The following TLE1 variants were observed in gnomAD, a reference collection of about 807,000 sequenced individuals.
TLE1 encodes the protein transducin-like enhancer protein 1.
A neutral mutation model predicts 89.8 loss-of-function variants in TLE1; 21 were observed. The ratio of observed to expected loss-of-function variants is 0.23; its 90% confidence interval spans 0.17 to 0.34. TLE1 has a LOEUF of 0.34. TLE1 is among the 10% of genes least tolerant of loss of function. The pLI is 1.00. For missense variants in TLE1, 795 were observed against 1,031.2 expected, an observed-to-expected ratio of 0.77 and a Z score of 3.14; for synonymous variants, 447 against 407.6, an observed-to-expected ratio of 1.10 and a Z score of -1.16.
At chr9:81,602,382 C>A (rs1316019037) in intron 14 of TLE1, among the ~76,000 whole-genome samples, 2 of 152,160 alleles carry the variant, frequency 1.3e-5, no homozygotes, top group Non-Finnish European at 2.9e-5. Flanking sequence ...TTTTTTCAGA[C>A]TTCAGAATAT....
intron 15 of TLE1, among the ~76,000 whole-genome samples, chr9:81,591,697 T>G (rs1022697717): frequency 1.3e-5 from 2 of 152,190 alleles, no homozygotes; most frequent in Non-Finnish European, 2.9e-5. Context: ...TGGATTATCT[T>G]TCAAAGATTA....
At chr9:81,603,828 CCT>C (rs932751627) in intron 14 of TLE1, among the ~76,000 whole-genome samples, 2 of 152,108 alleles carry the variant, frequency 1.3e-5, no homozygotes, top group African/African-American at 4.8e-5. Flanking sequence ...ATGGTGAAAC[CCT>C]GTCTCTACTA....
At chr9:81,587,617 T>A (rs1162340127) in intron 17 of TLE1, 64 bp downstream of exon 17, 54 of 1,521,506 alleles carry the variant, frequency 3.5e-5, no homozygotes, top group Non-Finnish European at 4.8e-5. Flanking sequence ...GGGAGGGTTG[T>A]GAGGAGGAAG....
chr9:81,601,916 C>T (rs1257577520), intron 14 of TLE1, among the ~76,000 whole-genome samples: 1 of 152,176 alleles, frequency 6.6e-6, no homozygotes, highest in Non-Finnish European at 1.5e-5. Context: ...GGTATCTATG[C>T]TCAAGGGACA....
intron 4 of TLE1, among the ~76,000 whole-genome samples, chr9:81,676,980 T>C (rs1394834232): frequency 2.0e-5 from 3 of 152,236 alleles, no homozygotes; most frequent in Admixed American, 2.0e-4. Flanking sequence ...CTCACGCCTA[T>C]AATCCCAACA....
chr9:81,688,180 G>C (rs769590187), intron 1 of TLE1, 37 bp downstream of exon 1: 1 of 1,600,528 alleles, frequency 6.2e-7, no homozygotes, highest in Non-Finnish European at 8.5e-7. Flanking sequence ...CCTCCCCAAC[G>C]ATCCTGGCCC....
intron 4 of TLE1, among the ~76,000 whole-genome samples, chr9:81,677,994 T>C (rs1262878070): frequency 6.6e-6 from 1 of 152,200 alleles, no homozygotes; most frequent in East Asian, 1.9e-4. Flanking sequence ...TCCCAGCTTT[T>C]TCCTTCTACC....
chr9:81,629,666 T>G (rs1826329120), intron 8 of TLE1, among the ~76,000 whole-genome samples: 1 of 152,260 alleles, frequency 6.6e-6, no homozygotes, highest in African/African-American at 2.4e-5. Flanking sequence ...ACCTGGGTGG[T>G]ATAGCCTACT....
chr9:81,680,699 A>T (rs1833504222), intron 4 of TLE1, among the ~76,000 whole-genome samples: 1 of 152,078 alleles, frequency 6.6e-6, no homozygotes, highest in South Asian at 2.1e-4. Context: ...AAATGCAGAG[A>T]GCTTTCTCTC....
intron 4 of TLE1, among the ~76,000 whole-genome samples, chr9:81,655,313 A>C (rs1388462226): frequency 1.3e-5 from 2 of 152,104 alleles, no homozygotes; most frequent in African/African-American, 4.8e-5. Flanking sequence ...CAGTGAGCCG[A>C]GATCACGCCA....
At chr9:81,673,288 A>AC (rs1458445535) in intron 4 of TLE1, among the ~76,000 whole-genome samples, 1 of 151,304 alleles carries the variant, frequency 6.6e-6, no homozygotes, top group East Asian at 1.9e-4. Context: ...AAAAAAAAAA[A>AC]AAAAAACAGA....
intron 6 of TLE1, among the ~76,000 whole-genome samples, chr9:81,638,647 A>T (rs772529760): frequency 6.6e-6 from 1 of 152,130 alleles, no homozygotes; most frequent in Non-Finnish European, 1.5e-5. Context: ...TTTTTTTGAG[A>T]CAGAGTCTTC....
chr9:81,599,862 CTCTT>C, intron 14 of TLE1: 1 of 427,776 alleles, frequency 2.3e-6, no homozygotes, highest in Non-Finnish European at 4.2e-6. Context: ...GGTTGGGAGA[CTCTT>C]TGTTTCCTTA....
chr9:81,680,749 A>G (rs934982751), intron 4 of TLE1, among the ~76,000 whole-genome samples: 2 of 152,076 alleles, frequency 1.3e-5, no homozygotes, highest in African/African-American at 2.4e-5. Context: ...TGGCTAATGA[A>G]GTTGAGGACC....
chr9:81,687,682 G>A (rs555935904), intron 1 of TLE1, among the ~76,000 whole-genome samples: 1 of 152,144 alleles, frequency 6.6e-6, no homozygotes, highest in African/African-American at 2.4e-5. Context: ...AGTGCGCCCG[G>A]GTCACCAGGC....
At chr9:81,632,098 A>G (rs1006322190) in intron 8 of TLE1, among the ~76,000 whole-genome samples, 4 of 150,350 alleles carry the variant, frequency 2.7e-5, no homozygotes. Context: ...CTCAAAAAAA[A>G]AAAGACTATC....
intron 6 of TLE1, among the ~76,000 whole-genome samples, chr9:81,643,168 A>ACTAACG: frequency 6.6e-6 from 1 of 152,222 alleles, no homozygotes; most frequent in Non-Finnish European, 1.5e-5. Context: ...CGGTGACTAT[A>ACTAACG]GTTAATAATA....
intron 8 of TLE1, among the ~76,000 whole-genome samples, chr9:81,631,506 T>C (rs759245066): frequency 2.5e-4 from 38 of 152,222 alleles, no homozygotes; most frequent in Non-Finnish European, 4.4e-4. Flanking sequence ...TTTTAGTAAT[T>C]GTGTCACTCA....
At chr9:81,633,202 A>G in intron 8 of TLE1, 146 bp downstream of exon 8, 1 of 1,376,004 alleles carries the variant, frequency 7.3e-7, no homozygotes. Flanking sequence ...AAAAAAGTAA[A>G]AGAAAAAAGC....
Sources: allele counts gnomAD v4.1 joint callset (sites outside exome capture counted in the v4.1 genomes callset), GRCh38; gene constraint gnomAD v4.1.1; transcripts MANE v1.5; gene names NCBI Gene and HGNC (gene_info 2026-07-23, HGNC 2026-07-21).